SLC14A2: variants seen among roughly 807,000 people sequenced by gnomAD.
SLC14A2 encodes the protein urea transporter 2.
Under a neutral mutation model 104.6 loss-of-function variants are expected in SLC14A2, and 91 were observed. The observed-to-expected ratio is 0.87, with a 90% CI of 0.73 to 1.04. The LOEUF (loss-of-function observed/expected upper bound fraction) is 1.04, where lower values mean the gene tolerates loss of function less well. SLC14A2 is among the 50% of genes least tolerant of loss of function. The pLI is 0.00. For missense variants in SLC14A2, 1,189 were observed against 1,156.0 expected (o/e 1.03, Z -0.41); for synonymous variants, 476 against 466.4 (o/e 1.02, Z -0.27).
At chr18:45,324,037 C>G (rs1228728834) in intron 1 of SLC14A2, among the ~76,000 whole-genome samples, 1 of 152,178 alleles carries the variant, frequency 6.6e-6, no homozygotes, top group Admixed American at 6.5e-5. Context: ...AATTTGAAAG[C>G]ACAAAAACCC....
intron 1 of SLC14A2, among the ~76,000 whole-genome samples, chr18:45,257,699 C>T (rs921415347): frequency 6.6e-6 from 1 of 152,202 alleles, no homozygotes; most frequent in East Asian, 1.9e-4. Flanking sequence ...AGGAGGTTCC[C>T]CAAAGTGTGC....
chr18:45,600,591 C>T (rs2044774770), intron 2 of SLC14A2, among the ~76,000 whole-genome samples: 1 of 152,140 alleles, frequency 6.6e-6, no homozygotes, highest in Non-Finnish European at 1.5e-5. Context: ...CTGACCCTCA[C>T]CTGTGCACAC....
Position 45,667,954 on chromosome 18 carries a change from G to C in SLC14A2, c.1839G>C (p.Trp613Cys). Residue 613 changes from tryptophan to cysteine, a missense_variant, in exon 14 of 20, where the codon TGG becomes TGC. Physicochemically the swap from Trp to Cys is radical, Grantham distance 215 (BLOSUM62 -2). Coordinates refer to ENST00000255226, the MANE Select transcript of SLC14A2 (RefSeq NM_007163.4). Reference sequence around the variant, plus strand: ...TCGGCCTCTTCATCCAGAACCCCTGGTGGGCGATCTCAGGCTGCCTGGGTA... The same window carrying C: ...TCGGCCTCTTCATCCAGAACCCCTGCTGGGCGATCTCAGGCTGCCTGGGTA... The part of the protein sequence containing the change: ...IILGLFIQNP[W>C]WAISGCLGTI... The C allele has an allele frequency of 1.2e-6, 2 of 1,614,102 alleles. No individual in the cohort carries two copies. Among genetic ancestry groups the C allele is most frequent in the Non-Finnish European group, 1.7e-6 (2 of 1,180,000 alleles).
chr18:45,214,270 T>C (rs1019207536), intron 1 of SLC14A2, among the ~76,000 whole-genome samples: 15 of 152,202 alleles, frequency 9.9e-5, no homozygotes, highest in African/African-American at 3.4e-4. Context: ...TTGGGTTTGT[T>C]TTGGCAACAG....
At chr18:45,372,669 C>A (rs2085735644) in intron 1 of SLC14A2, among the ~76,000 whole-genome samples, 1 of 152,170 alleles carries the variant, frequency 6.6e-6, no homozygotes, top group African/African-American at 2.4e-5. Context: ...TCTGCATTCC[C>A]AACAAGCTCC....
chr18:45,594,182 G>A (rs1687616654), intron 2 of SLC14A2, among the ~76,000 whole-genome samples: 1 of 152,204 alleles, frequency 6.6e-6, no homozygotes, highest in South Asian at 2.1e-4. Context: ...CAAGAGGGAA[G>A]GGTTAATTTG....
At chr18:45,177,959 A>G in the SLC14A2 span, among the ~76,000 whole-genome samples, 1 of 152,330 alleles carries the variant, frequency 6.6e-6, no homozygotes, top group South Asian at 2.1e-4. Flanking sequence ...GTTATAGAAG[A>G]TGGAGAAGTT....
chr18:45,323,027 A>G (rs2085200273), intron 1 of SLC14A2, among the ~76,000 whole-genome samples: 1 of 152,218 alleles, frequency 6.6e-6, no homozygotes, highest in Non-Finnish European at 1.5e-5. Context: ...TAAAAACAAA[A>G]CAAACAAAAA....
chr18:45,241,038 C>G (rs965687484), intron 1 of SLC14A2, among the ~76,000 whole-genome samples: 1 of 152,120 alleles, frequency 6.6e-6, no homozygotes, highest in Admixed American at 6.5e-5. Context: ...CTCTGAGAAC[C>G]TTTAAGTGGA....
At position 45,637,047 on chromosome 18, in the gene SLC14A2, C is replaced by T; in HGVS notation, c.708C>T (p.Phe236=). 6.2e-7 allele frequency: 1 copy of T among 1,614,220 alleles called. No homozygotes were observed. The highest frequency in any genetic ancestry group is 1.3e-5 in the African/African-American group (1 of 75,054). ...SIFSKWDLPV[F]TLPFNIAVTL... ...TCAGCAAGTGGGACCTCCCGGTCTT[C>T]ACTCTGCCCTTCAACATTGCAGTCA... Residue 236 remains phenylalanine (F), a synonymous_variant, in exon 6 of 20, where the codon TTC becomes TTT. Transcript: ENST00000255226.
chr18:45,274,820 T>A (rs1406464608), intron 1 of SLC14A2, among the ~76,000 whole-genome samples: 1 of 152,234 alleles, frequency 6.6e-6, no homozygotes, highest in Non-Finnish European at 1.5e-5. Flanking sequence ...ATTTGCTCCT[T>A]ATTGAACACA....
intron 2 of SLC14A2, among the ~76,000 whole-genome samples, chr18:45,597,116 G>A (rs771628921): frequency 2.0e-4 from 30 of 152,186 alleles, no homozygotes; most frequent in Non-Finnish European, 4.0e-4. Context: ...TCAGGAGTTC[G>A]AGACCAGCCT....
At chr18:45,262,515 G>A (rs1202053242) in intron 1 of SLC14A2, among the ~76,000 whole-genome samples, 1 of 152,200 alleles carries the variant, frequency 6.6e-6, no homozygotes, top group African/African-American at 2.4e-5. Flanking sequence ...AGCCCTGCCA[G>A]GGTGAGAGGG....
intron 1 of SLC14A2, among the ~76,000 whole-genome samples, chr18:45,233,006 C>G (rs1035594491): frequency 1.3e-5 from 2 of 152,152 alleles, no homozygotes; most frequent in Non-Finnish European, 2.9e-5. Flanking sequence ...AGATTTTTAC[C>G]ACTTGAATCT....
At chr18:45,197,530 T>A in the SLC14A2 span, among the ~76,000 whole-genome samples, 2 of 152,154 alleles carry the variant, frequency 1.3e-5, no homozygotes, top group Admixed American at 1.3e-4. Context: ...GAAGTTGAAT[T>A]TGTGTTTGTG....
chr18:45,187,888 G>A, the SLC14A2 span, among the ~76,000 whole-genome samples: 1 of 152,164 alleles, frequency 6.6e-6, no homozygotes, highest in Non-Finnish European at 1.5e-5. Context: ...TCTTATGCCA[G>A]TGGGTGTTAC....
chr18:45,457,024 C>G (rs1238458785), intron 1 of SLC14A2, among the ~76,000 whole-genome samples: 2 of 152,026 alleles, frequency 1.3e-5, no homozygotes, highest in East Asian at 3.9e-4. Context: ...GACCTCAGGG[C>G]TGCCAGGATC....
intron 1 of SLC14A2, among the ~76,000 whole-genome samples, chr18:45,431,910 CT>C (rs2086521934): frequency 6.6e-6 from 1 of 152,126 alleles, no homozygotes; most frequent in Admixed American, 6.5e-5. Context: ...AACCCTTGGC[CT>C]TTGGAGGGTT....
intron 19 of SLC14A2, among the ~76,000 whole-genome samples, chr18:45,679,395 C>T (rs926734000): frequency 3.9e-5 from 6 of 152,234 alleles, no homozygotes; most frequent in Admixed American, 6.5e-5. Context: ...CTTTGCCCCA[C>T]GGCAACTAAC....
Sources: gnomAD v4.1 joint callset for allele counts (sites outside exome capture counted in the v4.1 genomes callset) on GRCh38, gnomAD v4.1.1 for gene constraint, MANE v1.5 for transcripts, NCBI Gene and HGNC (gene_info 2026-07-23, HGNC 2026-07-21) for gene names.